CNGB3: variants seen among roughly 807,000 people sequenced by gnomAD.
CNGB3 encodes the protein cyclic nucleotide-gated channel beta-3.
In CNGB3, 86 loss-of-function variants were observed where a neutral mutation model predicts 92.8. The observed-to-expected ratio is 0.93, with a 90% CI of 0.78 to 1.11. The LOEUF (loss-of-function observed/expected upper bound fraction) is 1.11. CNGB3 is among the 50% of genes least tolerant of loss of function. The probability of loss-of-function intolerance (pLI) is 0.00; values close to 1 mark genes in which losing one functional copy is unlikely to be tolerated. For missense variants in CNGB3, 1,026 were observed against 956.8 expected (o/e 1.07, Z -0.95); for synonymous variants, 333 against 332.7 (o/e 1.00, Z -0.01).
intron 14 of CNGB3, among the ~76,000 whole-genome samples, chr8:86,611,326 A>C (rs1676107258): frequency 6.6e-6 from 1 of 152,156 alleles, no homozygotes; most frequent in South Asian, 2.1e-4. Context: ...AGCTGTGACG[A>C]TTGATAATTA....
chr8:86,719,115 C>A (rs1027967370), intron 3 of CNGB3, among the ~76,000 whole-genome samples: 2 of 151,252 alleles, frequency 1.3e-5, no homozygotes, highest in African/African-American at 4.9e-5. Context: ...TGGAACAAGA[C>A]AAAAATGTCC....
rs565337185 is a variant in CNGB3 at position 86,581,912 on chromosome 8, C to T, written c.1782-2660G>A. Among the ~76,000 whole-genome samples, 54 of 152,092 alleles carry T rather than the reference C, an allele frequency of 3.6e-4. No homozygotes were observed. In the South Asian group the frequency reaches 0.011, roughly 30 times the overall value. On this transcript the variant is annotated intron_variant, in intron 15 of 17. Transcript: ENST00000320005. ...GCTATACCAAATGTTAAACACAGCC[C>T]GAGTCCTAGCCAAATTAGTATAAAA...
chr8:86,652,271 A>T (rs1214280480), intron 7 of CNGB3, among the ~76,000 whole-genome samples: 3 of 152,006 alleles, frequency 2.0e-5, no homozygotes, highest in Non-Finnish European at 4.4e-5. Flanking sequence ...AGCTTGCAGG[A>T]CTGGAACTTG....
intron 15 of CNGB3, among the ~76,000 whole-genome samples, chr8:86,602,582 T>C (rs1822328498): frequency 6.6e-6 from 1 of 152,220 alleles, no homozygotes; most frequent in Admixed American, 6.5e-5. Flanking sequence ...GGGAAAGATA[T>C]AGTACTTGGC....
At chr8:86,596,847 TA>T (rs1340679813) in intron 15 of CNGB3, among the ~76,000 whole-genome samples, 5 of 152,036 alleles carry the variant, frequency 3.3e-5, no homozygotes, top group South Asian at 4.1e-4. Context: ...TATGCAGCCA[TA>T]AAAAAGGATG....
chr8:86,722,955 A>G (rs1208997667), intron 3 of CNGB3, among the ~76,000 whole-genome samples: 9 of 152,150 alleles, frequency 5.9e-5, no homozygotes, highest in South Asian at 4.1e-4. Flanking sequence ...CCATAATCGC[A>G]TGAGTCAATT....
intron 13 of CNGB3, among the ~76,000 whole-genome samples, chr8:86,621,368 GTA>G (rs1374315952): frequency 6.6e-6 from 1 of 152,108 alleles, no homozygotes. Flanking sequence ...ACATAAATAT[GTA>G]TATGTGATTT....
intron 6 of CNGB3, among the ~76,000 whole-genome samples, chr8:86,664,148 A>AT (rs1181964094): frequency 2.0e-5 from 3 of 152,188 alleles, no homozygotes; most frequent in African/African-American, 7.2e-5. Flanking sequence ...TGCACAAGGA[A>AT]TTTTTTGAAT....
At chr8:86,694,709 G>A (rs532524830) in intron 3 of CNGB3, among the ~76,000 whole-genome samples, 16 of 151,786 alleles carry the variant, frequency 1.1e-4, no homozygotes, top group African/African-American at 3.1e-4. Context: ...ATGGGTGGCC[G>A]GGCAGAGACG....
In CNGB3 at chr8:86,739,752, T is replaced by A; in HGVS notation, c.130-16A>T. 1 of 1,612,154 alleles carries A rather than the reference T, an allele frequency of 6.2e-7. No individual in the cohort carries two copies. The highest frequency in any genetic ancestry group is 8.5e-7 in the Non-Finnish European group (1 of 1,179,068). ...TGTTTTCTTCCTTTGAGAAAAAACA[T>A]AGAGATTGTATGTGATGAATTTACA... On this transcript the variant is annotated splice_polypyrimidine_tract_variant and intron_variant, in intron 1 of 17. Coordinates refer to ENST00000320005, the MANE Select transcript of CNGB3 (RefSeq NM_019098.5).
intron 13 of CNGB3, among the ~76,000 whole-genome samples, chr8:86,621,960 C>T (rs1253405504): frequency 1.3e-5 from 2 of 152,060 alleles, no homozygotes; most frequent in African/African-American, 2.4e-5. Context: ...GCAGGAGAAT[C>T]GCTTGAACCC....
At chr8:86,587,235 T>G (rs1320216673) in intron 15 of CNGB3, among the ~76,000 whole-genome samples, 4 of 151,802 alleles carry the variant, frequency 2.6e-5, no homozygotes, top group Admixed American at 6.6e-5. Flanking sequence ...TTCTGGATAT[T>G]AGCCCTTTGT....
chr8:86,605,544 A>C (rs548111807), intron 14 of CNGB3, among the ~76,000 whole-genome samples: 1 of 152,234 alleles, frequency 6.6e-6, no homozygotes, highest in African/African-American at 2.4e-5. Flanking sequence ...ATTCTCATTA[A>C]CCATACTTTG....
At chr8:86,675,719 A>G (rs1188112371) in intron 3 of CNGB3, among the ~76,000 whole-genome samples, 1 of 152,222 alleles carries the variant, frequency 6.6e-6, no homozygotes, top group African/African-American at 2.4e-5. Context: ...TTATTTATAT[A>G]TCTCTATGAA....
At chr8:86,726,455 G>C in intron 3 of CNGB3, 76 bp downstream of exon 3, 1 of 1,576,742 alleles carries the variant, frequency 6.3e-7, no homozygotes, top group Non-Finnish European at 8.7e-7. Flanking sequence ...CTAAAGGGGA[G>C]AGTGGATATT....
At chr8:86,660,074 G>C (rs1563744681) in intron 6 of CNGB3, 2 of 328,288 alleles carry the variant, frequency 6.1e-6, no homozygotes, top group Non-Finnish European at 1.3e-5. Flanking sequence ...AGCTAACATG[G>C]TGTCATGAGC....
At chr8:86,708,718 C>G (rs1824696357) in intron 3 of CNGB3, among the ~76,000 whole-genome samples, 1 of 151,700 alleles carries the variant, frequency 6.6e-6, no homozygotes, top group Non-Finnish European at 1.5e-5. Context: ...CAGGCATGTG[C>G]CACCATGCCT....
chr8:86,727,477 C>G (rs116678979), intron 2 of CNGB3, among the ~76,000 whole-genome samples: 9 of 151,966 alleles, frequency 5.9e-5, no homozygotes, highest in Non-Finnish European at 1.3e-4. Context: ...TATTTTCTGA[C>G]GAAATGATAC....
At chr8:86,643,691 T>C (rs1823235053) in intron 10 of CNGB3, 60 bp downstream of exon 10, 4 of 1,562,196 alleles carry the variant, frequency 2.6e-6, no homozygotes, top group Middle Eastern at 1.7e-4. Flanking sequence ...CATAAATTCA[T>C]ACAATGAAAC....
Sources: allele counts gnomAD v4.1 joint callset (sites outside exome capture counted in the v4.1 genomes callset), GRCh38; gene constraint gnomAD v4.1.1; transcripts MANE v1.5; gene names NCBI Gene and HGNC (gene_info 2026-07-23, HGNC 2026-07-21).